Variants in JAKMIP2 observed in about 807,000 individuals in gnomAD.
JAKMIP2 encodes janus kinase and microtubule-interacting protein 2.
JAKMIP2 carries 25 observed loss-of-function variants against 115.0 expected under a neutral mutation model. That is an observed-to-expected ratio of 0.22 (90% CI 0.16 to 0.30). JAKMIP2 has a LOEUF of 0.30. JAKMIP2 is among the 10% of genes least tolerant of loss of function. JAKMIP2 has a pLI of 1.00. For missense variants in JAKMIP2, 642 were observed against 957.6 expected (o/e 0.67, Z 4.35); for synonymous variants, 334 against 343.6 (o/e 0.97, Z 0.31).
intron 5 of JAKMIP2, among the ~76,000 whole-genome samples, chr5:147,647,217 T>C (rs1015579957): frequency 6.6e-6 from 1 of 152,026 alleles, no homozygotes; most frequent in Non-Finnish European, 1.5e-5. Context: ...TCTCTAAATG[T>C]TTTGAAATTA....
rs1273594429 is a variant in JAKMIP2 at position 147,782,477 on chromosome 5, T to C, written c.-170A>G. 2.0e-6 allele frequency: 3 copies of C among 1,535,928 alleles called. No homozygotes were observed. In the Admixed American group the frequency reaches 5.9e-5, roughly 30 times the overall value. The stretch of plus-strand genomic sequence containing the variant: ...TCACCATGCTGAGACCCGGAGAAGC[T>C]GTTTAAAGGAGGGAGAGATGCAAAC... On this transcript the variant is annotated 5_prime_UTR_variant, in exon 1 of 22. Coordinates refer to ENST00000616793, the MANE Select transcript of JAKMIP2 (RefSeq NM_001270941.2).
At chr5:147,747,899 C>A (rs1487236099) in intron 1 of JAKMIP2, among the ~76,000 whole-genome samples, 2 of 152,148 alleles carry the variant, frequency 1.3e-5, no homozygotes, top group African/African-American at 4.8e-5. Context: ...AAAATCCTCT[C>A]AAAACTTTGG....
At chr5:147,630,521 A>G (rs59260415) in intron 14 of JAKMIP2, among the ~76,000 whole-genome samples, 9,644 of 152,222 alleles carry the variant, frequency 0.063, 861 homozygotes, top group African/African-American at 0.2. Context: ...AGGCAAGGAA[A>G]CACAATATTA....
Position 147,650,561 on chromosome 5 carries a change from G to T in JAKMIP2, c.628-14C>A, listed in dbSNP as rs1758346502. 2 of 1,583,608 alleles carry T rather than the reference G, an allele frequency of 1.3e-6. No individual in the cohort carries two copies. The highest frequency in any genetic ancestry group is 1.7e-6 in the Non-Finnish European group (2 of 1,154,138). ...GATTTCATCCATCTGAATTAAATGA[G>T]ACCCAGGACATTTTATTTAACAATG... On this transcript the variant is annotated splice_polypyrimidine_tract_variant and intron_variant, in intron 3 of 21. Transcript: ENST00000616793.
chr5:147,682,523 A>G (rs13178809), intron 1 of JAKMIP2, among the ~76,000 whole-genome samples: 30,250 of 152,136 alleles, frequency 0.2, 4,029 homozygotes, highest in East Asian at 0.45. Flanking sequence ...CTATTCAATA[A>G]TTATTATTCA....
At chr5:147,770,179 A>G (rs1470222870) in intron 1 of JAKMIP2, among the ~76,000 whole-genome samples, 1 of 151,838 alleles carries the variant, frequency 6.6e-6, no homozygotes, top group African/African-American at 2.4e-5. Context: ...ATCACTAAAC[A>G]TTTTTCTACA....
chr5:147,664,641 T>C (rs1288472766), intron 2 of JAKMIP2, among the ~76,000 whole-genome samples: 2 of 152,184 alleles, frequency 1.3e-5, no homozygotes, highest in African/African-American at 2.4e-5. Context: ...GTCTTCTCAG[T>C]ATACTTTTGA....
chr5:147,623,584 T>C lies in JAKMIP2; in HGVS notation c.2064+37A>G, dbSNP rs746001161. 6 of 1,394,192 alleles carry C rather than the reference T, an allele frequency of 4.3e-6. No individual in the cohort carries two copies. In the African/African-American group the frequency reaches 8.5e-5, roughly 20 times the overall value. 86.4% of individuals were successfully genotyped at this position (1,394,192 alleles called of 1,614,324 possible). ...TTAATTTTCCATTTGCCTTGTAAGT[T>C]TTTCTTAATTTTTACAATATCTCAT... On this transcript the variant is annotated intron_variant, in intron 17 of 21. Coordinates refer to ENST00000616793, the MANE Select transcript of JAKMIP2 (RefSeq NM_001270941.2).
intron 1 of JAKMIP2, among the ~76,000 whole-genome samples, chr5:147,737,648 G>T (rs574777092): frequency 6.6e-6 from 1 of 152,284 alleles, no homozygotes; most frequent in African/African-American, 2.4e-5. Context: ...TGGTTTAAGT[G>T]TCTGAGTTAC....
intron 1 of JAKMIP2, among the ~76,000 whole-genome samples, chr5:147,735,838 T>C (rs1753902130): frequency 6.6e-6 from 1 of 152,188 alleles, no homozygotes; most frequent in African/African-American, 2.4e-5. Flanking sequence ...TAGCTCAGTG[T>C]AGGTTCTATT....
intron 1 of JAKMIP2, among the ~76,000 whole-genome samples, chr5:147,685,055 T>A (rs1243557520): frequency 6.6e-6 from 1 of 152,192 alleles, no homozygotes; most frequent in Non-Finnish European, 1.5e-5. Flanking sequence ...AACAAGATTA[T>A]GAGATACATG....
chr5:147,770,180 T>C (rs1755298108), intron 1 of JAKMIP2, among the ~76,000 whole-genome samples: 1 of 152,134 alleles, frequency 6.6e-6, no homozygotes, highest in Admixed American at 6.6e-5. Context: ...TCACTAAACA[T>C]TTTTCTACAA....
intron 1 of JAKMIP2, among the ~76,000 whole-genome samples, chr5:147,712,478 C>G (rs1042500704): frequency 4.6e-5 from 7 of 152,096 alleles, no homozygotes; most frequent in African/African-American, 9.7e-5. Context: ...ATTTTACATA[C>G]AGGACTCTTC....
intron 1 of JAKMIP2, among the ~76,000 whole-genome samples, chr5:147,715,048 G>A (rs1333785004): frequency 6.6e-6 from 1 of 152,050 alleles, no homozygotes; most frequent in African/African-American, 2.4e-5. Context: ...TTCAAGAACA[G>A]CAGATATGGT....
Position 147,702,689 on chromosome 5 carries a change from A to AG in JAKMIP2, c.-148-30736_-148-30735insC, listed in dbSNP as rs199842268. ...GAGAGAGAAAGAAAGAGAAAGAAAG[A>AG]AAAGAAAAGAAAAGAAAAAAAAAGA... On this transcript the variant is annotated intron_variant, in intron 1 of 21. Transcript: ENST00000616793. 1.5e-3 allele frequency among the ~76,000 whole-genome samples: 209 copies of AG among 139,736 alleles called. 8 individuals carry two copies. The highest frequency in any genetic ancestry group is 5.6e-3 in the African/African-American group (192 of 34,448). 91.7% of individuals were successfully genotyped at this position (139,736 alleles called of 152,430 possible).
At chr5:147,605,078 T>A (rs920315999) in intron 20 of JAKMIP2, among the ~76,000 whole-genome samples, 1 of 152,084 alleles carries the variant, frequency 6.6e-6, no homozygotes, top group Non-Finnish European at 1.5e-5. Flanking sequence ...ATGCAGTGTT[T>A]GGTTTTCTAT....
At chr5:147,733,216 T>C (rs1383000249) in intron 1 of JAKMIP2, among the ~76,000 whole-genome samples, 2 of 152,198 alleles carry the variant, frequency 1.3e-5, no homozygotes, top group Non-Finnish European at 2.9e-5. Flanking sequence ...CATGATAATA[T>C]AATTCACTTT....
intron 1 of JAKMIP2, among the ~76,000 whole-genome samples, chr5:147,708,608 T>C (rs1484017803): frequency 6.6e-6 from 1 of 152,250 alleles, no homozygotes; most frequent in Non-Finnish European, 1.5e-5. Context: ...GTTTATTCAA[T>C]TCTAATGTTA....
At position 147,729,866 on chromosome 5, in the gene JAKMIP2, T is replaced by C. The variant is rs79967389; in HGVS notation, c.-149+52590A>G. On this transcript the variant is annotated intron_variant, in intron 1 of 21. Coordinates refer to ENST00000616793, the MANE Select transcript of JAKMIP2 (RefSeq NM_001270941.2). ...GAGGAAACACAAGAGTCAAAGAAGA[T>C]GCAGCTGAGTGCTATGGTTAAGGAA... Among the ~76,000 whole-genome samples, 91 of 151,936 alleles carry C rather than the reference T, an allele frequency of 6.0e-4. 1 individual carries two copies. In the East Asian group the frequency reaches 0.017, roughly 29 times the overall value.
Sources: allele counts gnomAD v4.1 joint callset (sites outside exome capture counted in the v4.1 genomes callset), GRCh38; gene constraint gnomAD v4.1.1; transcripts MANE v1.5; gene names NCBI Gene and HGNC (gene_info 2026-07-23, HGNC 2026-07-21).